The following SPTBN1 variants were observed in gnomAD, a reference collection of about 807,000 sequenced individuals.
SPTBN1 encodes spectrin beta, non-erythrocytic 1.
A neutral mutation model predicts 266.4 loss-of-function variants in SPTBN1; 32 were observed. The observed-to-expected ratio is 0.12, with a 90% CI of 0.09 to 0.16. The LOEUF (loss-of-function observed/expected upper bound fraction) is 0.16, where lower values mean the gene tolerates loss of function less well. Ranked by LOEUF, SPTBN1 falls within the 10% of genes least tolerant of loss-of-function variation. The pLI, the probability that SPTBN1 is intolerant of heterozygous loss-of-function variation, is 1.00. For missense variants in SPTBN1, 2,296 were observed against 3,067.1 expected (o/e 0.75, Z 5.94); for synonymous variants, 1,336 against 1,162.2 (o/e 1.15, Z -3.04).
chr2:54,462,089 G>C (rs562461929), intron 1 of SPTBN1, among the ~76,000 whole-genome samples: 8 of 152,300 alleles, frequency 5.3e-5, no homozygotes, highest in South Asian at 2.1e-4. Flanking sequence ...GAGCTAGTTA[G>C]TTACTCAAGA....
In SPTBN1 at chr2:54,649,606, C is replaced by A. The variant is rs1463031824; in HGVS notation, c.5203-9C>A. ...GGCTCTCTGATTTCCTTACCCATCCCCGTTTCAGATGTTACAAGAACGATT... is the reference window on the plus strand; with the variant it reads ...GGCTCTCTGATTTCCTTACCCATCCACGTTTCAGATGTTACAAGAACGATT... On this transcript the variant is annotated splice_polypyrimidine_tract_variant and intron_variant, in intron 25 of 35. Coordinates refer to ENST00000356805, the MANE Select transcript of SPTBN1 (RefSeq NM_003128.3). This position sits in a 1 kb window ranked among gnomAD's most constrained non-coding sequence, Gnocchi z 6.7. 6.2e-7 allele frequency: 1 copy of A among 1,602,754 alleles called. No homozygotes were observed. Among genetic ancestry groups the A allele is most frequent in the Non-Finnish European group, 8.5e-7 (1 of 1,170,398 alleles).
intron 2 of SPTBN1, chr2:54,527,372 T>C (rs1171122177): frequency 6.6e-6 from 1 of 152,234 alleles, no homozygotes; most frequent in Non-Finnish European, 1.5e-5. Context: ...ATCAAAGTCA[T>C]GACTTGAGAA....
chr2:54,488,277 TA>T (rs1412437781), intron 1 of SPTBN1, among the ~76,000 whole-genome samples: 4 of 152,102 alleles, frequency 2.6e-5, no homozygotes, highest in African/African-American at 9.7e-5. Flanking sequence ...AACTGAGGAC[TA>T]GGGCGGGAAA....
At chr2:54,667,985 G>A (rs1681478588) in intron 35 of SPTBN1, among the ~76,000 whole-genome samples, 1 of 152,174 alleles carries the variant, frequency 6.6e-6, no homozygotes, top group South Asian at 2.1e-4. Context: ...TGTTTAATGG[G>A]TGTGTACCTC....
intron 17 of SPTBN1, among the ~76,000 whole-genome samples, chr2:54,634,226 G>A (rs1031327823): frequency 2.0e-5 from 3 of 152,168 alleles, no homozygotes; most frequent in African/African-American, 7.2e-5. Flanking sequence ...TGCTTCCTCG[G>A]TTTCTTTTTA....
intron 1 of SPTBN1, among the ~76,000 whole-genome samples, chr2:54,495,336 G>A (rs1407858084): frequency 2.0e-5 from 3 of 152,124 alleles, no homozygotes; most frequent in African/African-American, 7.2e-5. Context: ...CAGGTTCAGA[G>A]CTCAAGGAAC....
At chr2:54,508,607 T>C (rs527541215) in intron 1 of SPTBN1, among the ~76,000 whole-genome samples, 369 of 152,278 alleles carry the variant, frequency 2.4e-3, no homozygotes, top group African/African-American at 8.5e-3. Context: ...CCTGTGAGAC[T>C]GGAAGGAGAT....
Position 54,479,281 on chromosome 2 carries a change from C to G in SPTBN1, c.-48+22763C>G, listed in dbSNP as rs556410681. On this transcript the variant is annotated intron_variant, in intron 1 of 35. Coordinates refer to ENST00000356805, the MANE Select transcript of SPTBN1 (RefSeq NM_003128.3). ...CATGACCCTTACCAACCGCCTCCCC[C>G]CCAAGTTGGTTTGTAACCATGTAAG... is the stretch of plus-strand genomic sequence containing the variant. 4.6e-5 allele frequency among the ~76,000 whole-genome samples: 7 copies of G among 152,296 alleles called. No individual in the cohort carries two copies. The East Asian group carries it at 7.7e-4, about 17-fold the overall frequency.
chr2:54,641,738 A>G (rs1421234572), intron 18 of SPTBN1, among the ~76,000 whole-genome samples: 1 of 142,422 alleles, frequency 7.0e-6, no homozygotes, highest in African/African-American at 2.7e-5. Context: ...CCAAGAGTTC[A>G]CCCACTTTCA....
At position 54,627,993 on chromosome 2, in the gene SPTBN1, G is replaced by A. The variant is rs950681914; in HGVS notation, c.1645-104G>A. ...TGTGGGGTCCATGGCAGACTAGAGG[G>A]AAGGCATAGCTTCATTGCTGGCTCT... On this transcript the variant is annotated intron_variant, in intron 12 of 35. Transcript: ENST00000356805. 4 of 1,376,412 alleles carry A rather than the reference G, an allele frequency of 2.9e-6. No individual in the cohort carries two copies. The African/African-American group carries it at 5.8e-5, about 20-fold the overall frequency. The allele number at this position is 1,376,412 out of a possible 1,614,324, so 85.3% of individuals were successfully genotyped here. A position where few individuals can be genotyped will look rare whatever the true frequency, so the allele number is the denominator to read the frequency against.
chr2:54,527,077 T>C (rs1670860171), intron 2 of SPTBN1: 1 of 152,404 alleles, frequency 6.6e-6, no homozygotes, highest in Non-Finnish European at 1.5e-5. Context: ...GTGGAACATG[T>C]CCTTACTTTG....
At chr2:54,551,120 C>A (rs1330110992) in intron 2 of SPTBN1, among the ~76,000 whole-genome samples, 1 of 152,210 alleles carries the variant, frequency 6.6e-6, no homozygotes, top group Non-Finnish European at 1.5e-5. Context: ...TTACCCATTT[C>A]TTTCTCATGA....
intron 1 of SPTBN1, among the ~76,000 whole-genome samples, chr2:54,489,918 G>A (rs887909457): frequency 1.3e-5 from 2 of 152,104 alleles, no homozygotes; most frequent in African/African-American, 4.8e-5. Context: ...CTGGATCAAC[G>A]AGAAGACCTA....
intron 3 of SPTBN1, among the ~76,000 whole-genome samples, chr2:54,600,971 A>G (rs1421820431): frequency 6.6e-6 from 1 of 152,150 alleles, no homozygotes; most frequent in Non-Finnish European, 1.5e-5. Flanking sequence ...GATCAGGCCC[A>G]TTGCCGTTTT....
rs1285524742 is a variant in SPTBN1 at position 54,669,924 on chromosome 2, G to GAAC, written c.*1356_*1358dup. ...AGTTACCAGAGCACTTGTGAAACCT[G>GAAC]AACTCTGAGATAGGGGTTGGCAAAT... On this transcript the variant is annotated 3_prime_UTR_variant, in exon 36 of 36. Transcript: ENST00000356805. 1.3e-5 allele frequency: 2 copies of GAAC among 152,186 alleles called. No individual in the cohort carries two copies. The highest frequency in any genetic ancestry group is 1.3e-4 in the Admixed American group (2 of 15,280). The allele number at this position is 152,186 out of a possible 1,614,324, so 9.4% of individuals were successfully genotyped here. A position where few individuals can be genotyped will look rare whatever the true frequency, so the allele number is the denominator to read the frequency against.
intron 2 of SPTBN1, among the ~76,000 whole-genome samples, chr2:54,544,559 G>A (rs1218743799): frequency 6.6e-6 from 1 of 152,108 alleles, no homozygotes; most frequent in African/African-American, 2.4e-5. Flanking sequence ...GTTTGTTTCT[G>A]ACTGTCAAGC....
intron 7 of SPTBN1, among the ~76,000 whole-genome samples, chr2:54,618,797 G>A (rs1320873917): frequency 1.3e-5 from 2 of 152,160 alleles, no homozygotes; most frequent in Non-Finnish European, 2.9e-5. Flanking sequence ...AAAGGGGAGT[G>A]TAGGGGTGGA....
At chr2:54,530,055 A>G (rs1558810561) in intron 2 of SPTBN1, among the ~76,000 whole-genome samples, 1 of 152,066 alleles carries the variant, frequency 6.6e-6, no homozygotes. Context: ...CATTTTGCTT[A>G]GAGCCATAAA....
At chr2:54,459,208 C>A (rs1163606848) in intron 1 of SPTBN1, among the ~76,000 whole-genome samples, 1 of 152,196 alleles carries the variant, frequency 6.6e-6, no homozygotes, top group Non-Finnish European at 1.5e-5. Flanking sequence ...CCAAAACCTT[C>A]ATCTGAGAGG....
Sources: allele counts gnomAD v4.1 joint callset (sites outside exome capture counted in the v4.1 genomes callset), GRCh38; gene constraint gnomAD v4.1.1; non-coding constraint Gnocchi (gnomAD v3.1); transcripts MANE v1.5; gene names NCBI Gene and HGNC (gene_info 2026-07-23, HGNC 2026-07-21).